Variants in ZNF487 observed in about 807,000 individuals in gnomAD.
ZNF487 encodes the protein KRAB domain only 1.
In ZNF487, 4 loss-of-function variants were observed where a neutral mutation model predicts 3.0. The observed-to-expected ratio is 1.35, with a 90% CI of 0.66 to 3.08. The LOEUF (loss-of-function observed/expected upper bound fraction) is 3.08, where lower values mean the gene tolerates loss of function less well. ZNF487 is among the 30% of genes most tolerant of loss of function. The pLI, the probability that ZNF487 is intolerant of heterozygous loss-of-function variation, is 0.01. For synonymous variants in ZNF487, 55 were observed against 34.6 expected (o/e 1.59, Z -2.06); for missense variants, 146 against 98.7 (o/e 1.48, Z -2.03).
the ZNF487 span, among the ~76,000 whole-genome samples, chr10:43,494,999 A>G: frequency 6.6e-6 from 1 of 151,676 alleles, no homozygotes; most frequent in African/African-American, 2.4e-5. Context: ...CATTATTTAC[A>G]CTCACAAAAA....
chr10:43,469,504 A>G (rs1452814749), intron 1 of ZNF487, among the ~76,000 whole-genome samples: 1 of 151,730 alleles, frequency 6.6e-6, no homozygotes, highest in Non-Finnish European at 1.5e-5. Flanking sequence ...TCATTTATTT[A>G]TTTATTTTTT....
At chr10:43,493,687 C>CAA in the ZNF487 span, among the ~76,000 whole-genome samples, 24 of 13,472 alleles carry the variant, frequency 1.8e-3, 1 homozygote, top group South Asian at 0.013. Context: ...GACCCTTCCT[C>CAA]AAAAAAAGAA....
At chr10:43,456,807 C>T (rs1164148024) in intron 1 of ZNF487, among the ~76,000 whole-genome samples, 5 of 152,148 alleles carry the variant, frequency 3.3e-5, no homozygotes, top group African/African-American at 1.2e-4. Context: ...TCTTGAACTC[C>T]TGACCTCAGG....
chr10:43,490,499 A>C, the ZNF487 span, among the ~76,000 whole-genome samples: 6 of 40,768 alleles, frequency 1.5e-4, no homozygotes, highest in African/African-American at 2.1e-4. Context: ...AAGTAGCTCT[A>C]CTTTTTTTTT....
the ZNF487 span, among the ~76,000 whole-genome samples, chr10:43,500,348 T>C: frequency 6.6e-6 from 1 of 151,900 alleles, no homozygotes; most frequent in Admixed American, 6.6e-5. Flanking sequence ...CAGGTTTGAG[T>C]GCAGGAGATC....
chr10:43,467,119 C>T (rs139217602), intron 1 of ZNF487, among the ~76,000 whole-genome samples: 5,802 of 152,180 alleles, frequency 0.038, 139 homozygotes, highest in South Asian at 0.12. Context: ...AAGTGATCTG[C>T]CTGCCTCAGC....
chr10:43,484,911 G>A (rs750693510), downstream of ZNF487, among the ~76,000 whole-genome samples: 4 of 152,092 alleles, frequency 2.6e-5, no homozygotes, highest in Non-Finnish European at 5.9e-5. Context: ...GTGTCTTAGC[G>A]ACATAAATTG....
At chr10:43,446,121 C>T (rs954335839) in intron 1 of ZNF487, among the ~76,000 whole-genome samples, 38 of 152,320 alleles carry the variant, frequency 2.5e-4, no homozygotes, top group Admixed American at 1.8e-3. Flanking sequence ...CTTTCTTTGC[C>T]CCACGTTTCC....
chr10:43,498,092 TA>T, the ZNF487 span, among the ~76,000 whole-genome samples: 199 of 21,234 alleles, frequency 9.4e-3, 34 homozygotes, highest in East Asian at 0.035. Flanking sequence ...TATATATATA[TA>T]TATATATTTT....
At chr10:43,490,776 G>A in the ZNF487 span, among the ~76,000 whole-genome samples, 1 of 150,660 alleles carries the variant, frequency 6.6e-6, no homozygotes, top group Non-Finnish European at 1.5e-5. Context: ...CCAGGTTCAA[G>A]CTATTCCCCT....
chr10:43,464,523 T>A (rs1840580491), intron 1 of ZNF487, among the ~76,000 whole-genome samples: 1 of 152,168 alleles, frequency 6.6e-6, no homozygotes, highest in Admixed American at 6.5e-5. Context: ...CCTGCGGCCT[T>A]CCGCAGTGTT....
At chr10:43,506,784 C>T in the ZNF487 span, among the ~76,000 whole-genome samples, 1 of 152,302 alleles carries the variant, frequency 6.6e-6, no homozygotes, top group African/African-American at 2.4e-5. Context: ...CTGTCAAAAT[C>T]ACCTATGAGG....
chr10:43,498,095 ATATATTTTTTTTTTTTTTCTTTTTTT>A, the ZNF487 span, among the ~76,000 whole-genome samples: 95 of 12,584 alleles, frequency 7.5e-3, no homozygotes, highest in Non-Finnish European at 9.4e-3. Flanking sequence ...ATATATATAT[ATATATTTTTTTTTTTTTTCTTTTTTT>A]TTTTTTTTTT....
In ZNF487 at chr10:43,447,564, G is replaced by T. The variant is rs545568172; in HGVS notation, c.-94+10302G>T. 1.2e-4 allele frequency among the ~76,000 whole-genome samples: 18 copies of T among 152,254 alleles called. 2 individuals are homozygous for T. Among genetic ancestry groups the T allele is most frequent in the African/African-American group, 4.3e-4 (18 of 41,554 alleles). ...GCCTGAATTATGACATTTCTAATCT[G>T]CCTGGTGTAGGAACAGGCACTATTC... On this transcript the variant is annotated intron_variant, in intron 1 of 3. Transcript: ENST00000437590.
At chr10:43,477,396 T>C (rs1841139915) in intron 3 of ZNF487, among the ~76,000 whole-genome samples, 1 of 151,936 alleles carries the variant, frequency 6.6e-6, no homozygotes, top group African/African-American at 2.4e-5. Context: ...GGTTTTGCCA[T>C]GTTGGCCAAG....
chr10:43,456,042 C>A (rs1367083133), intron 1 of ZNF487, among the ~76,000 whole-genome samples: 3 of 152,232 alleles, frequency 2.0e-5, no homozygotes, highest in African/African-American at 4.8e-5. Context: ...ATAATGCAGG[C>A]TCTGTTTTAT....
chr10:43,478,482 G>A (rs778490578), intron 3 of ZNF487, among the ~76,000 whole-genome samples: 1 of 152,220 alleles, frequency 6.6e-6, no homozygotes, highest in Admixed American at 6.5e-5. Flanking sequence ...GAACCCAGGA[G>A]GGGGAGGTTG....
intron 1 of ZNF487, among the ~76,000 whole-genome samples, chr10:43,471,174 C>G (rs1268365065): frequency 3.3e-5 from 5 of 152,208 alleles, no homozygotes; most frequent in Non-Finnish European, 7.4e-5. Context: ...CAGGGCTGTC[C>G]CATTTACTCG....
the ZNF487 span, among the ~76,000 whole-genome samples, chr10:43,507,457 G>C: frequency 4.2e-4 from 64 of 152,302 alleles, no homozygotes; most frequent in African/African-American, 9.9e-4. Flanking sequence ...TGCTTCCCCT[G>C]CTTCTGTTCA....
Sources: gnomAD v4.1 joint callset for allele counts (sites outside exome capture counted in the v4.1 genomes callset) on GRCh38, gnomAD v4.1.1 for gene constraint, MANE v1.5 for transcripts, NCBI Gene and HGNC (gene_info 2026-07-23, HGNC 2026-07-21) for gene names.